MLLT3: variants seen among roughly 807,000 people sequenced by gnomAD.
MLLT3 encodes the protein MLLT3 super elongation complex subunit.
In MLLT3, 4 loss-of-function variants were observed where a neutral mutation model predicts 53.2. The observed-to-expected ratio is 0.08, with a 90% CI of 0.04 to 0.17. The LOEUF (loss-of-function observed/expected upper bound fraction) is 0.17, where lower values mean the gene tolerates loss of function less well. Ranked by LOEUF, MLLT3 falls within the 10% of genes least tolerant of loss-of-function variation. The pLI, the probability that MLLT3 is intolerant of heterozygous loss-of-function variation, is 1.00. For synonymous variants in MLLT3, 283 were observed against 230.6 expected (o/e 1.23, Z -2.06); for missense variants, 569 against 684.0 (o/e 0.83, Z 1.87).
At chr9:20,502,091 AAAG>A (rs1825254616) in intron 2 of MLLT3, among the ~76,000 whole-genome samples, 4 of 117,732 alleles carry the variant, frequency 3.4e-5, no homozygotes, top group Admixed American at 8.5e-5. Flanking sequence ...CAAAAAAAAA[AAAG>A]GGGGGGGGGG....
At chr9:20,489,815 G>A (rs908165316) in intron 2 of MLLT3, among the ~76,000 whole-genome samples, 11 of 152,150 alleles carry the variant, frequency 7.2e-5, no homozygotes, top group African/African-American at 2.2e-4. Context: ...CAAACCTAGG[G>A]GAAAAGTTAA....
intron 8 of MLLT3, among the ~76,000 whole-genome samples, chr9:20,357,032 A>T (rs1344973439): frequency 6.6e-6 from 1 of 152,204 alleles, no homozygotes; most frequent in Non-Finnish European, 1.5e-5. Flanking sequence ...TGCTGAAGAC[A>T]ATTGTTTTAT....
Position 20,345,528 on chromosome 9 carries a change from C to T in MLLT3, c.*915G>A, listed in dbSNP as rs1294187412. On this transcript the variant is annotated 3_prime_UTR_variant, in exon 11 of 11. Coordinates refer to ENST00000380338, the MANE Select transcript of MLLT3 (RefSeq NM_004529.4). Reference sequence around the variant, plus strand: ...TTTAAATGATGATCCTGTGGAATGCCTTTACTTCCATATTCACCTAATATT... The same window carrying T: ...TTTAAATGATGATCCTGTGGAATGCTTTTACTTCCATATTCACCTAATATT... 5 of 201,168 alleles carry T rather than the reference C, an allele frequency of 2.5e-5. No individual in the cohort carries two copies. Among genetic ancestry groups the T allele is most frequent in the Non-Finnish European group, 5.1e-5 (5 of 97,926 alleles). The allele number at this position is 201,168 out of a possible 1,614,324, so 12.5% of individuals were successfully genotyped here.
chr9:20,416,671 G>T (rs370295450), intron 4 of MLLT3, among the ~76,000 whole-genome samples: 1 of 151,982 alleles, frequency 6.6e-6, no homozygotes, highest in African/African-American at 2.4e-5. Flanking sequence ...AATGTCTACT[G>T]TTACCTTTTT....
chr9:20,533,490 T>C (rs1445396779), intron 2 of MLLT3, among the ~76,000 whole-genome samples: 2 of 152,064 alleles, frequency 1.3e-5, no homozygotes, highest in Middle Eastern at 3.2e-3. Flanking sequence ...TTATAGAAAA[T>C]AGTATGGAGG....
intron 8 of MLLT3, among the ~76,000 whole-genome samples, chr9:20,358,762 C>T (rs891093182): frequency 1.3e-5 from 2 of 152,260 alleles, no homozygotes; most frequent in African/African-American, 4.8e-5. Flanking sequence ...TAATGCCCTA[C>T]ACTCCTGGCC....
chr9:20,526,256 G>C (rs1261924842), intron 2 of MLLT3, among the ~76,000 whole-genome samples: 1 of 152,130 alleles, frequency 6.6e-6, no homozygotes, highest in Admixed American at 6.5e-5. Flanking sequence ...GTTTGATGAA[G>C]TTAAACTAAA....
chr9:20,517,816 A>T (rs1366231970), intron 2 of MLLT3, among the ~76,000 whole-genome samples: 4 of 151,946 alleles, frequency 2.6e-5, no homozygotes, highest in Admixed American at 2.0e-4. Flanking sequence ...GCAGCCTGGG[A>T]GACAAGAGCA....
intron 2 of MLLT3, among the ~76,000 whole-genome samples, chr9:20,595,742 CA>C (rs1167622274): frequency 6.6e-6 from 1 of 152,014 alleles, no homozygotes; most frequent in Non-Finnish European, 1.5e-5. Context: ...GCAGTAACCA[CA>C]AAAAAAGAAA....
chr9:20,539,245 A>G (rs1028375009), intron 2 of MLLT3, among the ~76,000 whole-genome samples: 2 of 152,224 alleles, frequency 1.3e-5, no homozygotes, highest in African/African-American at 4.8e-5. Context: ...ATTGGAGTCA[A>G]TCGTCTCAAA....
At chr9:20,358,459 A>G (rs78800252) in intron 8 of MLLT3, among the ~76,000 whole-genome samples, 1,864 of 152,328 alleles carry the variant, frequency 0.012, 42 homozygotes, top group African/African-American at 0.04. Flanking sequence ...AGGAACCAGG[A>G]GTATGCTACT....
intron 2 of MLLT3, among the ~76,000 whole-genome samples, chr9:20,610,188 T>G (rs1482488657): frequency 6.6e-6 from 1 of 152,158 alleles, no homozygotes; most frequent in African/African-American, 2.4e-5. Flanking sequence ...TTACTGGAAT[T>G]ACATTAGACT....
chr9:20,576,018 A>G (rs181354607), intron 2 of MLLT3, among the ~76,000 whole-genome samples: 26 of 152,328 alleles, frequency 1.7e-4, no homozygotes, highest in Admixed American at 3.3e-4. Flanking sequence ...TGTTTAGTGT[A>G]GCCACCTTCC....
intron 2 of MLLT3, chr9:20,502,383 C>T (rs573730989): frequency 6.5e-6 from 1 of 153,030 alleles, no homozygotes; most frequent in East Asian, 2.0e-4. Flanking sequence ...CTGTAAGGAG[C>T]TGAATTCTAC....
chr9:20,611,811 A>G (rs1306141061), intron 2 of MLLT3, among the ~76,000 whole-genome samples: 1 of 152,144 alleles, frequency 6.6e-6, no homozygotes, highest in African/African-American at 2.4e-5. Context: ...ACTTAAGTCA[A>G]AAGGATTAAG....
At chr9:20,530,061 C>G (rs73432559) in intron 2 of MLLT3, among the ~76,000 whole-genome samples, 4,157 of 152,232 alleles carry the variant, frequency 0.027, 206 homozygotes, top group African/African-American at 0.094. Context: ...TTTTGAAATG[C>G]CTCCTATTTC....
chr9:20,409,469 C>G (rs1053947052), intron 5 of MLLT3, among the ~76,000 whole-genome samples: 4 of 152,104 alleles, frequency 2.6e-5, no homozygotes, highest in Non-Finnish European at 2.9e-5. Context: ...CAATTATAAA[C>G]CTTTAGTTGA....
intron 2 of MLLT3, among the ~76,000 whole-genome samples, chr9:20,537,079 A>T (rs1587041471): frequency 6.6e-6 from 1 of 152,368 alleles, no homozygotes. Context: ...GTCCCAAAGT[A>T]GCCAATTATT....
intron 7 of MLLT3, 127 bp downstream of exon 7, chr9:20,363,349 C>A: frequency 9.4e-7 from 1 of 1,063,634 alleles, no homozygotes; most frequent in African/African-American, 1.6e-5. Context: ...GGAGACCCTG[C>A]ATCAAATGAA....
Sources: gnomAD v4.1 joint callset for allele counts (sites outside exome capture counted in the v4.1 genomes callset) on GRCh38, gnomAD v4.1.1 for gene constraint, MANE v1.5 for transcripts, NCBI Gene and HGNC (gene_info 2026-07-23, HGNC 2026-07-21) for gene names.